ADCY1: variants seen among roughly 807,000 people sequenced by gnomAD.
ADCY1 encodes adenylate cyclase type 1.
ADCY1 carries 28 observed loss-of-function variants against 105.4 expected under a neutral mutation model. The ratio of observed to expected loss-of-function variants is 0.27; its 90% confidence interval spans 0.20 to 0.36. ADCY1 has a LOEUF of 0.36. Among genes scored for constraint, ADCY1 ranks in the 10% least tolerant of loss-of-function variants. The pLI, the probability that ADCY1 is intolerant of heterozygous loss-of-function variation, is 1.00. For missense variants in ADCY1, 977 were observed against 1,434.2 expected, an observed-to-expected ratio of 0.68 and a Z score of 5.15; for synonymous variants, 655 against 623.8, an observed-to-expected ratio of 1.05 and a Z score of -0.75.
Position 45,710,731 on chromosome 7 carries a change from G to T in ADCY1, c.3057+79G>T. 6.6e-7 allele frequency: 1 copy of T among 1,514,464 alleles called. No individual in the cohort carries two copies. Among genetic ancestry groups the T allele is most frequent in the South Asian group, 1.3e-5 (1 of 77,116 alleles). 93.8% of individuals were successfully genotyped at this position (1,514,464 alleles called of 1,614,324 possible). ...AACTGAGGCACAGGGGGCCAGAATT[G>T]AATCCCCAGTCTACAGCCCGTAAGT... On this transcript the variant is annotated intron_variant, in intron 19 of 19. Coordinates refer to ENST00000297323, the MANE Select transcript of ADCY1 (RefSeq NM_021116.4). The surrounding 1 kb of genome is among the most constrained non-coding windows in gnomAD (Gnocchi z 4.7).
chr7:45,664,387 G>T, intron 8 of ADCY1: 7 of 1,535,972 alleles, frequency 4.6e-6, no homozygotes, highest in Non-Finnish European at 6.1e-6. Context: ...TTCAGGTCCT[G>T]CCCAACAGCC....
In ADCY1 at chr7:45,592,766, C is replaced by T. The variant is rs2115778567; in HGVS notation, c.647C>T (p.Ala216Val). The T allele has an allele frequency of 6.2e-7, 1 of 1,614,184 alleles. No individual in the cohort carries two copies. Among genetic ancestry groups the T allele is most frequent in the Non-Finnish European group, 8.5e-7 (1 of 1,180,024 alleles). ...CTCCTTCTCTCCCTGCAGCTCGGTG[C>T]CAATGCCTTGCTCTTCGTCGGTGTG... Reference protein sequence around the residue: ...KRPRLWRTLGANALLFVGVNM... With the variant: ...KRPRLWRTLGVNALLFVGVNM... Residue 216 changes from alanine to valine, a missense_variant, in exon 2 of 20, where the codon GCC becomes GTC. Around this residue, in one of 7 missense-constraint regions of ADCY1, gnomAD observed 196 missense variants for 347.8 expected, o/e 0.56. Transcript: ENST00000297323.
Position 45,686,590 on chromosome 7 carries a change from A to T in ADCY1, c.2371A>T (p.Ile791Phe). Residue 791 changes from isoleucine to phenylalanine, a missense_variant, in exon 14 of 20, where the codon ATC (isoleucine) becomes TTC (phenylalanine). This residue lies in a region of ADCY1 where 275 missense variants were observed against 362.1 expected (regional missense o/e 0.76). Transcript: ENST00000297323. The surrounding 1 kb of genome is among the most constrained non-coding windows in gnomAD (Gnocchi z 4.3). Reference sequence around the variant, plus strand: ...GCGCAGCTACGAGCCGATTGTGGCCATCCTGCTCTTCTCCTGTGCGCTGGC... The same window carrying T: ...GCGCAGCTACGAGCCGATTGTGGCCTTCCTGCTCTTCTCCTGTGCGCTGGC... ...SGRSYEPIVA[I>F]LLFSCALALH... The T allele has an allele frequency of 6.2e-7, 1 of 1,613,708 alleles. No individual in the cohort carries two copies. The highest frequency in any genetic ancestry group is 8.5e-7 in the Non-Finnish European group (1 of 1,179,754).
Position 45,711,821 on chromosome 7 carries a change from C to T in ADCY1, c.3057+1169C>T, listed in dbSNP as rs545505948. On this transcript the variant is annotated intron_variant, in intron 19 of 19. Coordinates refer to ENST00000297323, the MANE Select transcript of ADCY1 (RefSeq NM_021116.4). ...TATACTTATACTTTTTTACAATGTACTTTTAAAATATACAATATTTAAATA... is the reference window on the plus strand; with the variant it reads ...TATACTTATACTTTTTTACAATGTATTTTTAAAATATACAATATTTAAATA... Among the ~76,000 whole-genome samples the T allele has an allele frequency of 1.2e-4, 15 of 127,926 alleles. No homozygotes were observed. In the Admixed American group the frequency reaches 1.2e-3, roughly 10 times the overall value. The allele number at this position is 127,926 out of a possible 152,430, so 83.9% of individuals were successfully genotyped here.
intron 1 of ADCY1, among the ~76,000 whole-genome samples, chr7:45,585,439 CTTTT>C (rs56193100): frequency 1.1e-4 from 13 of 121,114 alleles, no homozygotes; most frequent in Admixed American, 1.7e-4. Flanking sequence ...GTGGGTACAT[CTTTT>C]TTTTTTTTTT....
intron 1 of ADCY1, among the ~76,000 whole-genome samples, chr7:45,578,146 A>G (rs1025386117): frequency 3.3e-5 from 5 of 152,072 alleles, no homozygotes; most frequent in African/African-American, 1.2e-4. Flanking sequence ...GGGGCAGAGG[A>G]GAGAACGCTG....
rs1242608176 is a variant in ADCY1 at position 45,686,436 on chromosome 7, T to C, written c.2328-111T>C. On this transcript the variant is annotated intron_variant, in intron 13 of 19. Transcript: ENST00000297323. This position sits in a 1 kb window ranked among gnomAD's most constrained non-coding sequence, Gnocchi z 4.3. Reference sequence around the variant, plus strand: ...GCCAAGGTCAATCCCAGCAAGCTGTTTTTGGGTGTCACCACCTGAGGGTCA... The same window carrying C: ...GCCAAGGTCAATCCCAGCAAGCTGTCTTTGGGTGTCACCACCTGAGGGTCA... 2.0e-6 allele frequency: 3 copies of C among 1,487,656 alleles called. No homozygotes were observed. The highest frequency in any genetic ancestry group is 4.4e-5 in the Admixed American group (2 of 45,562). The allele number at this position is 1,487,656 out of a possible 1,614,324, so 92.2% of individuals were successfully genotyped here.
chr7:45,695,414 G>T (rs1307240090), intron 14 of ADCY1, among the ~76,000 whole-genome samples: 2 of 152,154 alleles, frequency 1.3e-5, no homozygotes, highest in East Asian at 1.9e-4. Flanking sequence ...AACCCTAAAT[G>T]GGCACTCTCA....
chr7:45,590,166 C>T (rs1009370370), intron 1 of ADCY1, among the ~76,000 whole-genome samples: 8 of 152,102 alleles, frequency 5.3e-5, no homozygotes, highest in Admixed American at 3.3e-4. Flanking sequence ...CTGATGCAAA[C>T]GGGGAGGGTC....
chr7:45,630,824 T>C (rs1271299565), intron 4 of ADCY1, among the ~76,000 whole-genome samples: 1 of 152,210 alleles, frequency 6.6e-6, no homozygotes, highest in Non-Finnish European at 1.5e-5. Flanking sequence ...TTTTGTTTGC[T>C]TTGTTTTGTG....
chr7:45,667,895 G>T (rs1784291439), intron 8 of ADCY1, among the ~76,000 whole-genome samples: 1 of 152,168 alleles, frequency 6.6e-6, no homozygotes, highest in African/African-American at 2.4e-5. Context: ...TGAAGCAATT[G>T]TGAATGGGAG....
At chr7:45,598,498 A>T (rs74918697) in intron 2 of ADCY1, among the ~76,000 whole-genome samples, 1 of 152,174 alleles carries the variant, frequency 6.6e-6, no homozygotes, top group Non-Finnish European at 1.5e-5. Context: ...AATAAGGAGC[A>T]TGAGGGATGA....
chr7:45,618,528 CAAAT>C (rs1793804665), intron 3 of ADCY1, among the ~76,000 whole-genome samples: 1 of 152,002 alleles, frequency 6.6e-6, no homozygotes, highest in South Asian at 2.1e-4. Context: ...AGCAAGAAAA[CAAAT>C]AATCTGATTT....
intron 14 of ADCY1, among the ~76,000 whole-genome samples, chr7:45,700,596 A>C (rs1191596370): frequency 1.3e-5 from 2 of 152,156 alleles, no homozygotes; most frequent in Non-Finnish European, 2.9e-5. Flanking sequence ...GGGCATCACA[A>C]AGTCTATTTA....
At chr7:45,704,719 CTG>C (rs1313779217) in intron 17 of ADCY1, 103 bp downstream of exon 17, 16 of 898,248 alleles carry the variant, frequency 1.8e-5, no homozygotes, top group Non-Finnish European at 2.7e-5. Context: ...TGTTTGCCCT[CTG>C]TGTTGGATTA....
intron 14 of ADCY1, among the ~76,000 whole-genome samples, chr7:45,695,249 T>C (rs1454588444): frequency 1.3e-5 from 2 of 152,220 alleles, no homozygotes; most frequent in African/African-American, 4.8e-5. Flanking sequence ...TTGTTGCTTG[T>C]AGGAGGGCAA....
At chr7:45,609,595 G>C (rs1268323959) in intron 2 of ADCY1, among the ~76,000 whole-genome samples, 1 of 152,190 alleles carries the variant, frequency 6.6e-6, no homozygotes, top group African/African-American at 2.4e-5. Flanking sequence ...AGTGGGAGGG[G>C]CATGGGAGGG....
At position 45,686,598 on chromosome 7, in the gene ADCY1, C is replaced by T. The variant is rs148089389; in HGVS notation, c.2379C>T (p.Leu793=). 3.7e-6 allele frequency: 6 copies of T among 1,613,812 alleles called. No homozygotes were observed. Among genetic ancestry groups the T allele is most frequent in the Non-Finnish European group, 5.1e-6 (6 of 1,179,778 alleles). Residue 793 remains leucine, a synonymous_variant, in exon 14 of 20, where the codon CTC becomes CTT. Coordinates refer to ENST00000297323, the MANE Select transcript of ADCY1 (RefSeq NM_021116.4). This position sits in a 1 kb window ranked among gnomAD's most constrained non-coding sequence, Gnocchi z 4.3. The part of the protein sequence containing the change: ...RSYEPIVAIL[L]FSCALALHAR... ...ACGAGCCGATTGTGGCCATCCTGCT[C>T]TTCTCCTGTGCGCTGGCCCTGCATG...
chr7:45,617,791 A>G (rs1299859309), intron 3 of ADCY1, among the ~76,000 whole-genome samples: 1 of 152,246 alleles, frequency 6.6e-6, no homozygotes, highest in Admixed American at 6.5e-5. Flanking sequence ...ATGTTACTAA[A>G]ATGACTGTAA....
Sources: gnomAD v4.1 joint callset for allele counts (sites outside exome capture counted in the v4.1 genomes callset) on GRCh38, gnomAD v4.1.1 for gene constraint, gnomAD v4.1.1 regional missense constraint, Gnocchi (gnomAD v3.1) non-coding constraint, MANE v1.5 for transcripts, NCBI Gene and HGNC (gene_info 2026-07-23, HGNC 2026-07-21) for gene names.